The following MRPL48 variants were observed in gnomAD, a reference collection of about 807,000 sequenced individuals.
MRPL48 encodes mitochondrial ribosomal protein L48.
A neutral mutation model predicts 32.9 loss-of-function variants in MRPL48; 16 were observed. The observed-to-expected ratio is 0.49, with a 90% CI of 0.33 to 0.74. The LOEUF is 0.74. Among genes scored for constraint, MRPL48 ranks in the 30% least tolerant of loss-of-function variants. The probability of loss-of-function intolerance (pLI) is 0.02; values close to 1 mark genes in which losing one functional copy is unlikely to be tolerated. For synonymous variants in MRPL48, 94 were observed against 89.2 expected (o/e 1.05, Z -0.31); for missense variants, 206 against 245.3 (o/e 0.84, Z 1.07).
intron 4 of MRPL48, among the ~76,000 whole-genome samples, chr11:73,826,223 T>A (rs1947887315): frequency 6.6e-6 from 1 of 152,028 alleles, no homozygotes; most frequent in African/African-American, 2.4e-5. Flanking sequence ...TCTTGCTGTA[T>A]TGCCCAGGCT....
intron 3 of MRPL48, among the ~76,000 whole-genome samples, chr11:73,815,728 C>T (rs1947653688): frequency 6.6e-6 from 1 of 151,828 alleles, no homozygotes; most frequent in African/African-American, 2.4e-5. Context: ...CCTTCTGCCT[C>T]GGCCTCCCAA....
chr11:73,851,208 A>G (rs1246342666), intron 5 of MRPL48: 4 of 421,192 alleles, frequency 9.5e-6, no homozygotes, highest in Non-Finnish European at 1.9e-5. Context: ...GTGCCGCCAT[A>G]TTGGACAAAC....
At position 73,816,169 on chromosome 11, in the gene MRPL48, C is replaced by T. The variant is rs534343383; in HGVS notation, c.112+7819C>T. 2.7e-3 allele frequency among the ~76,000 whole-genome samples: 411 copies of T among 151,882 alleles called. 1 individual carries two copies. Among genetic ancestry groups the T allele is most frequent in the Admixed American group, 6.5e-3 (99 of 15,234 alleles). On this transcript the variant is annotated intron_variant, in intron 3 of 7. Coordinates refer to ENST00000310614, the MANE Select transcript of MRPL48 (RefSeq NM_016055.6). ...CTCCACCTCCCGGGTTCATGCCATT[C>T]TCCTGCCTCAGCCTCCCGAGTAGCT...
intron 5 of MRPL48, 64 bp from the exon 6 acceptor site, chr11:73,859,843 C>G (rs1948552666): frequency 7.2e-7 from 1 of 1,396,742 alleles, no homozygotes; most frequent in African/African-American, 1.4e-5. Flanking sequence ...TCATGGACTA[C>G]TATGATTGAA....
intron 1 of MRPL48, among the ~76,000 whole-genome samples, chr11:73,802,690 CT>C (rs927078105): frequency 1.0e-4 from 15 of 147,036 alleles, no homozygotes; most frequent in Admixed American, 1.4e-4. Context: ...GGCATATAAG[CT>C]TTTTTTTTTC....
At chr11:73,817,852 T>C (rs1399080567) in intron 3 of MRPL48, 1 of 387,350 alleles carries the variant, frequency 2.6e-6, no homozygotes, top group Non-Finnish European at 5.2e-6. Context: ...TGGCCCAGGC[T>C]TGAGTACAGT....
chr11:73,863,836 A>C (rs905331280), intron 7 of MRPL48, among the ~76,000 whole-genome samples: 3 of 152,160 alleles, frequency 2.0e-5, no homozygotes, highest in Non-Finnish European at 4.4e-5. Context: ...CATTTGCTCC[A>C]TCCAGCTCTG....
chr11:73,858,906 A>C (rs1948533471), intron 5 of MRPL48, among the ~76,000 whole-genome samples: 1 of 152,126 alleles, frequency 6.6e-6, no homozygotes, highest in Admixed American at 6.6e-5. Context: ...CCAACACTTG[A>C]CTCCATGTTC....
rs148147762 is a variant in MRPL48, at chr11:73,817,842, T to A, written c.113-7866T>A. 2,969 of 395,574 alleles carry A rather than the reference T, an allele frequency of 7.5e-3. 29 individuals are homozygous for A. Among genetic ancestry groups the A allele is most frequent in the Non-Finnish European group, 9.9e-3 (1,948 of 196,308 alleles). 24.5% of individuals were successfully genotyped at this position (395,574 alleles called of 1,614,324 possible). A position where few individuals can be genotyped will look rare whatever the true frequency, so the allele number is the denominator to read the frequency against. ...TTTGAGAGAGAGACGGTCTTGCTTG[T>A]GGCCCAGGCTTGAGTACAGTGGCAT... On this transcript the variant is annotated intron_variant, in intron 3 of 7. Coordinates refer to ENST00000310614, the MANE Select transcript of MRPL48 (RefSeq NM_016055.6).
At chr11:73,858,918 G>A (rs1591011118) in intron 5 of MRPL48, among the ~76,000 whole-genome samples, 1 of 152,202 alleles carries the variant, frequency 6.6e-6, no homozygotes, top group Admixed American at 6.5e-5. Flanking sequence ...TCCATGTTCC[G>A]TGTTATTTTC....
At chr11:73,804,004 C>G (rs1947401981) in intron 1 of MRPL48, among the ~76,000 whole-genome samples, 1 of 152,120 alleles carries the variant, frequency 6.6e-6, no homozygotes, top group Non-Finnish European at 1.5e-5. Context: ...ACTGCAACCT[C>G]CGCCTCCTGG....
At chr11:73,825,617 G>C in intron 3 of MRPL48, 91 bp from the exon 4 acceptor site, 1 of 1,146,124 alleles carries the variant, frequency 8.7e-7, no homozygotes, top group Non-Finnish European at 1.2e-6. Flanking sequence ...TTACATCCCA[G>C]CTTGGGTGAC....
At chr11:73,839,382 T>A (rs35579786) in intron 4 of MRPL48, among the ~76,000 whole-genome samples, 8,378 of 152,160 alleles carry the variant, frequency 0.055, 255 homozygotes, top group Middle Eastern at 0.11. Context: ...CTTAAAAAAA[T>A]AATTCAGCCC....
intron 5 of MRPL48, 111 bp from the exon 6 acceptor site, chr11:73,859,796 A>G (rs1178679936): frequency 8.5e-6 from 7 of 824,598 alleles, no homozygotes; most frequent in East Asian, 5.4e-5. Flanking sequence ...AGCATCCCCT[A>G]CATTCCGGGA....
rs1010952511 is a variant in MRPL48, at chr11:73,849,669, G to T, written c.371+4693G>T. 3.9e-5 allele frequency among the ~76,000 whole-genome samples: 6 copies of T among 152,142 alleles called. 1 individual carries two copies. The highest frequency in any genetic ancestry group is 1.2e-4 in the African/African-American group (5 of 41,420). ...CCTTTTCTGATTGAAGGACATTTCT[G>T]TTGTTTCCAGTTTTTGGCAATTATG... is the stretch of plus-strand genomic sequence containing the variant. On this transcript the variant is annotated intron_variant, in intron 5 of 7. Transcript: ENST00000310614.
At chr11:73,828,639 T>C (rs547609104) in intron 4 of MRPL48, among the ~76,000 whole-genome samples, 2 of 152,200 alleles carry the variant, frequency 1.3e-5, no homozygotes, top group Non-Finnish European at 2.9e-5. Context: ...AAGTGACAAG[T>C]GCTAAAAGGA....
At chr11:73,859,036 A>T (rs1282361182) in intron 5 of MRPL48, among the ~76,000 whole-genome samples, 1 of 152,192 alleles carries the variant, frequency 6.6e-6, no homozygotes, top group Non-Finnish European at 1.5e-5. Flanking sequence ...GGTAGTTTTG[A>T]CTGTGACCAC....
chr11:73,864,516 T>C lies in MRPL48; in HGVS notation c.*146T>C. On this transcript the variant is annotated 3_prime_UTR_variant, in exon 8 of 8. Coordinates refer to ENST00000310614, the MANE Select transcript of MRPL48 (RefSeq NM_016055.6). ...AGCCAGTAATGTCCTCACTCCTCTGTGGCTTGGCTGTACTTGCCATTTCTT... is the reference window on the plus strand; with the variant it reads ...AGCCAGTAATGTCCTCACTCCTCTGCGGCTTGGCTGTACTTGCCATTTCTT... 1 of 738,696 alleles carries C rather than the reference T, an allele frequency of 1.4e-6. No homozygotes were observed. The highest frequency in any genetic ancestry group is 2.3e-6 in the Non-Finnish European group (1 of 443,916). 45.8% of individuals were successfully genotyped at this position (738,696 alleles called of 1,614,324 possible). A position where few individuals can be genotyped will look rare whatever the true frequency, so the allele number is the denominator to read the frequency against.
intron 3 of MRPL48, among the ~76,000 whole-genome samples, chr11:73,817,656 C>T (rs1264796451): frequency 6.6e-6 from 1 of 152,164 alleles, no homozygotes; most frequent in African/African-American, 2.4e-5. Context: ...CATGTTTCAA[C>T]TGTGACTGGA....
Sources: allele counts gnomAD v4.1 joint callset (sites outside exome capture counted in the v4.1 genomes callset), GRCh38; gene constraint gnomAD v4.1.1; transcripts MANE v1.5; gene names NCBI Gene and HGNC (gene_info 2026-07-23, HGNC 2026-07-21).